ADISSP: variants seen among roughly 807,000 people sequenced by gnomAD.
ADISSP encodes adipose secreted signaling protein.
the ADISSP span, chr20:3,755,728 G>T: frequency 1.3e-6 from 1 of 795,170 alleles, no homozygotes. Flanking sequence ...AGCCCAGAAA[G>T]CCCAACTCCC....
the ADISSP span, among the ~76,000 whole-genome samples, chr20:3,754,865 G>C: frequency 2.0e-5 from 3 of 152,210 alleles, no homozygotes; most frequent in Non-Finnish European, 4.4e-5. Flanking sequence ...GAGGAGTGAG[G>C]GGGGCAGGGC....
the ADISSP span, chr20:3,767,969 C>A: frequency 6.6e-6 from 1 of 152,268 alleles, no homozygotes; most frequent in Admixed American, 6.5e-5. Context: ...GACGGGCAGG[C>A]GGCCCAACTA....
the ADISSP span, chr20:3,755,562 G>A: frequency 6.2e-7 from 1 of 1,613,190 alleles, no homozygotes; most frequent in Non-Finnish European, 8.5e-7. Context: ...ACTGGGGGCA[G>A]AGTGAAGGTA....
chr20:3,760,974 A>G, the ADISSP span, among the ~76,000 whole-genome samples: 6 of 152,218 alleles, frequency 3.9e-5, no homozygotes, highest in African/African-American at 1.4e-4. Flanking sequence ...ATTAGAAAAG[A>G]AGAGAGAAAG....
chr20:3,757,253 G>T, the ADISSP span, among the ~76,000 whole-genome samples: 1 of 152,076 alleles, frequency 6.6e-6, no homozygotes, highest in Non-Finnish European at 1.5e-5. Context: ...TGGAGGCTGA[G>T]GCAGGAGAAT....
chr20:3,757,279 G>C, the ADISSP span, among the ~76,000 whole-genome samples: 2 of 152,158 alleles, frequency 1.3e-5, no homozygotes, highest in East Asian at 3.9e-4. Flanking sequence ...GAACCTGGGA[G>C]CTGGAGGTTG....
the ADISSP span, chr20:3,754,154 C>T: frequency 6.2e-7 from 1 of 1,610,312 alleles, no homozygotes; most frequent in Non-Finnish European, 8.5e-7. Context: ...TGCCGTGGTG[C>T]CGGTCTGCAA....
At chr20:3,754,165 G>A in the ADISSP span, 1 of 1,603,516 alleles carries the variant, frequency 6.2e-7, no homozygotes, top group Admixed American at 1.7e-5. Context: ...CGGTCTGCAA[G>A]GCAGGGTGCA....
At chr20:3,763,013 T>C in the ADISSP span, among the ~76,000 whole-genome samples, 1 of 152,138 alleles carries the variant, frequency 6.6e-6, no homozygotes, top group Non-Finnish European at 1.5e-5. Flanking sequence ...CCCAGCACTT[T>C]GGGAAGCCAA....
chr20:3,753,981 A>G, the ADISSP span: 1 of 1,146,176 alleles, frequency 8.7e-7, no homozygotes, highest in Non-Finnish European at 1.3e-6. Flanking sequence ...CGAGGAAGCC[A>G]CACCATCACG....
the ADISSP span, among the ~76,000 whole-genome samples, chr20:3,757,445 TTC>T: frequency 6.6e-6 from 1 of 152,232 alleles, no homozygotes; most frequent in Non-Finnish European, 1.5e-5. Context: ...TCTTCATATT[TTC>T]TCTGTCTTCC....
At chr20:3,754,247 A>G in the ADISSP span, 1 of 1,476,610 alleles carries the variant, frequency 6.8e-7, no homozygotes, top group Non-Finnish European at 9.4e-7. Context: ...TCCCTCAGGG[A>G]TCAGCTGGAG....
chr20:3,761,340 T>TG, the ADISSP span, among the ~76,000 whole-genome samples: 22 of 151,158 alleles, frequency 1.5e-4, 2 homozygotes, highest in African/African-American at 5.4e-4. Context: ...GTTTTTGTTT[T>TG]TTTTTTTTTT....
At chr20:3,759,432 G>A in the ADISSP span, among the ~76,000 whole-genome samples, 23,917 of 152,098 alleles carry the variant, frequency 0.16, 3,643 homozygotes, top group African/African-American at 0.39. The surrounding 1 kb of genome is among the most constrained non-coding windows in gnomAD (Gnocchi z 4.6). Flanking sequence ...GGCGGGAGCC[G>A]AGCTGAAGGC....
At chr20:3,767,508 A>T in the ADISSP span, 4 of 152,576 alleles carry the variant, frequency 2.6e-5, no homozygotes, top group Non-Finnish European at 5.9e-5. Flanking sequence ...GGAGTCCTCC[A>T]GGCCCGGCCC....
At chr20:3,754,121 G>A in the ADISSP span, 7 of 1,613,400 alleles carry the variant, frequency 4.3e-6, no homozygotes, top group Non-Finnish European at 5.9e-6. Context: ...CCACACACTT[G>A]ACACCATCCA....
chr20:3,754,407 G>A, the ADISSP span: 1 of 1,613,582 alleles, frequency 6.2e-7, no homozygotes, highest in Non-Finnish European at 8.5e-7. Context: ...CCATGACGCG[G>A]GCCTGCACCG....
At chr20:3,761,023 G>C in the ADISSP span, among the ~76,000 whole-genome samples, 45 of 152,352 alleles carry the variant, frequency 3.0e-4, no homozygotes, top group Non-Finnish European at 5.6e-4. Flanking sequence ...GCCCTCATTT[G>C]TCACCACTGA....
the ADISSP span, among the ~76,000 whole-genome samples, chr20:3,762,833 C>G: frequency 1.3e-5 from 2 of 152,188 alleles, no homozygotes; most frequent in East Asian, 3.8e-4. Flanking sequence ...AACCCTTGTT[C>G]TAGATCAACA....
Sources: gnomAD v4.1 joint callset for allele counts (sites outside exome capture counted in the v4.1 genomes callset) on GRCh38, gnomAD v4.1.1 for gene constraint, Gnocchi (gnomAD v3.1) non-coding constraint, MANE v1.5 for transcripts, NCBI Gene and HGNC (gene_info 2026-07-23, HGNC 2026-07-21) for gene names.